FUT9: variants seen among roughly 807,000 people sequenced by gnomAD.
The protein encoded by FUT9 is fucosyltransferase 9.
Under a neutral mutation model 29.7 loss-of-function variants are expected in FUT9, and 15 were observed. The observed-to-expected ratio is 0.51, with a 90% CI of 0.34 to 0.78. The LOEUF is 0.78. Ranked by LOEUF, FUT9 falls within the 30% of genes least tolerant of loss-of-function variation. FUT9 has a pLI of 0.01. For synonymous variants in FUT9, 169 were observed against 153.7 expected (o/e 1.10, Z -0.74); for missense variants, 319 against 425.4 (o/e 0.75, Z 2.20).
intron 2 of FUT9, among the ~76,000 whole-genome samples, chr6:96,167,038 G>T (rs4382274): frequency 0.91 from 138,773 of 152,162 alleles, 64,642 homozygotes; most frequent in Non-Finnish European, 1. Context: ...GATACAGGGG[G>T]TTGACTGTAC....
intron 1 of FUT9, among the ~76,000 whole-genome samples, chr6:96,028,537 A>T (rs1010262212): frequency 6.6e-6 from 1 of 151,750 alleles, no homozygotes; most frequent in East Asian, 1.9e-4. Flanking sequence ...TTGAATATGG[A>T]ATTGGATAAT....
chr6:96,121,678 CTCTTTTACTTTGTA>C (rs1772031227), intron 2 of FUT9, among the ~76,000 whole-genome samples: 1 of 152,020 alleles, frequency 6.6e-6, no homozygotes, highest in Non-Finnish European at 1.5e-5. Flanking sequence ...AATTAATCTT[CTCTTTTACTTTGTA>C]TGTTCCACCA....
At chr6:96,108,946 C>T (rs1017002882) in intron 1 of FUT9, among the ~76,000 whole-genome samples, 2 of 152,052 alleles carry the variant, frequency 1.3e-5, no homozygotes, top group South Asian at 2.1e-4. Context: ...ACCCTTATGG[C>T]CATAACCCCT....
intron 1 of FUT9, among the ~76,000 whole-genome samples, chr6:96,086,784 AT>A (rs1188700035): frequency 2.6e-5 from 4 of 152,034 alleles, no homozygotes; most frequent in Non-Finnish European, 4.4e-5. Flanking sequence ...GCACCTTTGC[AT>A]TTTCTCAGTT....
chr6:96,146,297 C>T (rs1054190844), intron 2 of FUT9, among the ~76,000 whole-genome samples: 17 of 152,182 alleles, frequency 1.1e-4, no homozygotes, highest in African/African-American at 3.9e-4. Flanking sequence ...ATTCTATCTA[C>T]TGGGCTGCAG....
intron 1 of FUT9, among the ~76,000 whole-genome samples, chr6:96,049,606 A>G (rs1003287643): frequency 6.6e-6 from 1 of 152,204 alleles, no homozygotes; most frequent in African/African-American, 2.4e-5. Context: ...TATTAGCATG[A>G]GAATAAATGA....
At chr6:96,106,625 G>C (rs1771691241) in intron 1 of FUT9, among the ~76,000 whole-genome samples, 1 of 152,102 alleles carries the variant, frequency 6.6e-6, no homozygotes, top group Admixed American at 6.5e-5. Flanking sequence ...AACACCATCT[G>C]AATAAGTATG....
intron 2 of FUT9, among the ~76,000 whole-genome samples, chr6:96,152,186 G>A (rs995614577): frequency 6.6e-6 from 1 of 152,132 alleles, no homozygotes; most frequent in Non-Finnish European, 1.5e-5. Flanking sequence ...CTTATCTAAT[G>A]GGTCATATCT....
chr6:96,043,046 A>G (rs947068828), intron 1 of FUT9, among the ~76,000 whole-genome samples: 1 of 152,156 alleles, frequency 6.6e-6, no homozygotes, highest in African/African-American at 2.4e-5. Context: ...GATTTGATCA[A>G]TTCACAAGAT....
At chr6:96,198,348 A>G (rs1404747687) in intron 2 of FUT9, among the ~76,000 whole-genome samples, 17 of 147,314 alleles carry the variant, frequency 1.2e-4, no homozygotes, top group African/African-American at 4.0e-4. Context: ...ATTCCCATCT[A>G]TGAGTGAGAA....
At chr6:96,160,353 A>G (rs1772873668) in intron 2 of FUT9, among the ~76,000 whole-genome samples, 1 of 152,148 alleles carries the variant, frequency 6.6e-6, no homozygotes, top group Non-Finnish European at 1.5e-5. Context: ...AAAATACCAC[A>G]GTTATGCTGC....
chr6:96,160,095 C>T (rs892589354), intron 2 of FUT9, among the ~76,000 whole-genome samples: 5 of 152,116 alleles, frequency 3.3e-5, no homozygotes, highest in African/African-American at 1.2e-4. Flanking sequence ...GACTTTTGCC[C>T]ATACAGACAT....
chr6:96,123,635 T>C lies in FUT9; in HGVS notation c.-9+9508T>C, dbSNP rs189576198. ...GCATGTTCACTGAGAGGCAGAGCCA[T>C]TAATTCTTCAACTTTGTGTAAAATC... On this transcript the variant is annotated intron_variant, in intron 2 of 2. Transcript: ENST00000302103. Among the ~76,000 whole-genome samples, 217 of 152,344 alleles carry C rather than the reference T, an allele frequency of 1.4e-3. 1 individual carries two copies. Among genetic ancestry groups the C allele is most frequent in the African/African-American group, 4.9e-3 (202 of 41,590 alleles).
chr6:96,131,810 T>C (rs1472748631), intron 2 of FUT9, among the ~76,000 whole-genome samples: 1 of 152,120 alleles, frequency 6.6e-6, no homozygotes, highest in Non-Finnish European at 1.5e-5. Flanking sequence ...ATTTATTGCC[T>C]CTTCTCAAAT....
rs1774004478 is a variant in FUT9 at position 96,214,682 on chromosome 6, C to T, written c.*10447C>T. On this transcript the variant is annotated 3_prime_UTR_variant, in exon 3 of 3. Coordinates refer to ENST00000302103, the MANE Select transcript of FUT9 (RefSeq NM_006581.4). Reference sequence around the variant, plus strand: ...ATGTGTGGATCAATCATCTCTCCTCCCATGAAATTAATCATTCATGGTAAT... The same window carrying T: ...ATGTGTGGATCAATCATCTCTCCTCTCATGAAATTAATCATTCATGGTAAT... 6.0e-6 allele frequency: 1 copy of T among 166,828 alleles called. No individual in the cohort carries two copies. The highest frequency in any genetic ancestry group is 2.4e-5 in the African/African-American group (1 of 41,354). 10.3% of individuals were successfully genotyped at this position (166,828 alleles called of 1,614,324 possible).
intron 2 of FUT9, among the ~76,000 whole-genome samples, chr6:96,139,372 T>C (rs1772418282): frequency 6.6e-6 from 1 of 152,200 alleles, no homozygotes; most frequent in African/African-American, 2.4e-5. Flanking sequence ...AGATCCCTCC[T>C]GGCTGTTTTC....
At chr6:96,034,902 A>G (rs1770324466) in intron 1 of FUT9, among the ~76,000 whole-genome samples, 1 of 151,822 alleles carries the variant, frequency 6.6e-6, no homozygotes, top group Non-Finnish European at 1.5e-5. Context: ...ATGGCCTATT[A>G]CAAAGCAGAA....
intron 1 of FUT9, among the ~76,000 whole-genome samples, chr6:96,113,484 C>T (rs1415544302): frequency 6.6e-6 from 1 of 151,808 alleles, no homozygotes; most frequent in Non-Finnish European, 1.5e-5. Flanking sequence ...AGTGATTCAC[C>T]CGTCTCGGCC....
intron 1 of FUT9, among the ~76,000 whole-genome samples, chr6:96,085,463 A>T (rs1055611437): frequency 2.0e-5 from 3 of 152,216 alleles, no homozygotes; most frequent in African/African-American, 7.2e-5. Flanking sequence ...CTCACAATCT[A>T]ATCACCTTTC....
Sources: gnomAD v4.1 joint callset for allele counts (sites outside exome capture counted in the v4.1 genomes callset) on GRCh38, gnomAD v4.1.1 for gene constraint, MANE v1.5 for transcripts, NCBI Gene and HGNC (gene_info 2026-07-23, HGNC 2026-07-21) for gene names.